The following SPAG16 variants were observed in gnomAD, a reference collection of about 807,000 sequenced individuals.
SPAG16 encodes sperm associated antigen 16.
SPAG16 carries 86 observed loss-of-function variants against 80.4 expected under a neutral mutation model. The ratio of observed to expected loss-of-function variants is 1.07; its 90% confidence interval spans 0.90 to 1.28. SPAG16 has a LOEUF of 1.28. Among genes scored for constraint, SPAG16 ranks in the 50% most tolerant of loss-of-function variants. SPAG16 has a pLI of 0.00. For missense variants in SPAG16, 870 were observed against 765.3 expected (o/e 1.14, Z -1.61); for synonymous variants, 294 against 265.9 (o/e 1.11, Z -1.03).
At chr2:214,017,351 G>A (rs2047642680) in intron 13 of SPAG16, among the ~76,000 whole-genome samples, 1 of 152,146 alleles carries the variant, frequency 6.6e-6, no homozygotes, top group African/African-American at 2.4e-5. Context: ...AAACTTAGAT[G>A]TGAAGTTTGT....
At chr2:214,365,557 A>G (rs1699426468) in intron 15 of SPAG16, among the ~76,000 whole-genome samples, 1 of 152,154 alleles carries the variant, frequency 6.6e-6, no homozygotes. Context: ...TTTATATAAT[A>G]TGAGGGTAGT....
intron 12 of SPAG16, among the ~76,000 whole-genome samples, chr2:213,941,127 T>A (rs186426227): frequency 6.6e-6 from 1 of 152,292 alleles, no homozygotes; most frequent in Non-Finnish European, 1.5e-5. Flanking sequence ...TGTTCATATA[T>A]CCACCAGTCA....
chr2:214,087,669 C>T (rs1184108762), intron 13 of SPAG16, among the ~76,000 whole-genome samples: 3 of 152,028 alleles, frequency 2.0e-5, no homozygotes, highest in African/African-American at 7.2e-5. Context: ...GAACCTAATT[C>T]CTATTCAACA....
At chr2:214,234,081 C>G (rs574093158) in intron 15 of SPAG16, among the ~76,000 whole-genome samples, 54 of 151,682 alleles carry the variant, frequency 3.6e-4, no homozygotes, top group African/African-American at 1.1e-3. Context: ...GTTTCCCCCC[C>G]CATGTGTCCA....
intron 15 of SPAG16, among the ~76,000 whole-genome samples, chr2:214,285,123 C>G (rs528858856): frequency 1.3e-5 from 2 of 152,228 alleles, no homozygotes; most frequent in African/African-American, 4.8e-5. Flanking sequence ...TCCTCATATT[C>G]TTGCCAATAT....
At chr2:214,047,034 G>T (rs1559731716) in intron 13 of SPAG16, among the ~76,000 whole-genome samples, 1 of 151,932 alleles carries the variant, frequency 6.6e-6, no homozygotes, top group African/African-American at 2.4e-5. Context: ...AGAATTTGAA[G>T]AGAATGCCAA....
At chr2:213,651,115 T>C (rs1178608994) in intron 10 of SPAG16, among the ~76,000 whole-genome samples, 1 of 152,166 alleles carries the variant, frequency 6.6e-6, no homozygotes, top group Non-Finnish European at 1.5e-5. Flanking sequence ...AACTACTAAA[T>C]ACTGTATCAA....
intron 13 of SPAG16, among the ~76,000 whole-genome samples, chr2:214,044,372 T>C (rs187521644): frequency 6.6e-6 from 1 of 152,334 alleles, no homozygotes; most frequent in Admixed American, 6.5e-5. Flanking sequence ...TTTCTCCCAA[T>C]CAACAGAGTT....
chr2:214,391,803 T>C (rs1198525584), intron 15 of SPAG16, among the ~76,000 whole-genome samples: 2 of 152,166 alleles, frequency 1.3e-5, no homozygotes, highest in Non-Finnish European at 2.9e-5. Context: ...TCTGACACAT[T>C]GTATAAAGAG....
chr2:214,114,094 G>A (rs1156882948), intron 14 of SPAG16, among the ~76,000 whole-genome samples: 1 of 152,148 alleles, frequency 6.6e-6, no homozygotes, highest in Admixed American at 6.5e-5. Context: ...TCAGCTGTAG[G>A]TCTGTTGGAG....
chr2:214,314,117 T>G (rs1695517858), intron 15 of SPAG16, among the ~76,000 whole-genome samples: 1 of 152,176 alleles, frequency 6.6e-6, no homozygotes, highest in African/African-American at 2.4e-5. Context: ...ACAAACTAGA[T>G]GAACTGAAAA....
At chr2:214,173,528 G>A (rs913854438) in intron 15 of SPAG16, among the ~76,000 whole-genome samples, 3 of 151,968 alleles carry the variant, frequency 2.0e-5, no homozygotes, top group Non-Finnish European at 2.9e-5. Flanking sequence ...AAGTCAGGAA[G>A]AAGTTGAATC....
chr2:214,233,344 A>ATGATGATGATGATGATGATGATGATG (rs377652832), intron 15 of SPAG16, among the ~76,000 whole-genome samples: 1 of 148,546 alleles, frequency 6.7e-6, no homozygotes, highest in Non-Finnish European at 1.5e-5. Flanking sequence ...AATAGATAAT[A>ATGATGATGATGATGATGATGATGATG]ATGATGATGA....
chr2:214,403,894 G>T (rs964861161), intron 15 of SPAG16, among the ~76,000 whole-genome samples: 1 of 152,148 alleles, frequency 6.6e-6, no homozygotes, highest in Admixed American at 6.6e-5. Context: ...TGCAATAAGT[G>T]CTCAGAAAAG....
At chr2:213,324,100 G>A (rs1467147795) in intron 5 of SPAG16, among the ~76,000 whole-genome samples, 4 of 152,036 alleles carry the variant, frequency 2.6e-5, no homozygotes, top group African/African-American at 4.8e-5. Flanking sequence ...TTAAAAATTC[G>A]TTAAGAGGGT....
intron 10 of SPAG16, among the ~76,000 whole-genome samples, chr2:213,633,808 T>C (rs919028720): frequency 2.0e-5 from 3 of 152,158 alleles, no homozygotes; most frequent in Admixed American, 1.3e-4. Flanking sequence ...AGTTTTTGTC[T>C]TGAAATCTAT....
chr2:214,363,692 G>A (rs1420555693), intron 15 of SPAG16, among the ~76,000 whole-genome samples: 4 of 151,980 alleles, frequency 2.6e-5, no homozygotes, highest in African/African-American at 9.7e-5. Context: ...TGAGGAAAGA[G>A]GGCATCTTTT....
At chr2:213,417,451 GT>G (rs1471541616) in intron 9 of SPAG16, among the ~76,000 whole-genome samples, 2 of 152,122 alleles carry the variant, frequency 1.3e-5, no homozygotes, top group African/African-American at 4.8e-5. Flanking sequence ...AACTAGACCT[GT>G]TTTTCTCCTT....
intron 10 of SPAG16, among the ~76,000 whole-genome samples, chr2:213,491,050 A>G (rs1300118804): frequency 6.6e-6 from 1 of 152,174 alleles, no homozygotes; most frequent in African/African-American, 2.4e-5. Flanking sequence ...ATTTCCTCAT[A>G]GCAAGAATAT....
Sources: gnomAD v4.1 joint callset for allele counts (sites outside exome capture counted in the v4.1 genomes callset) on GRCh38, gnomAD v4.1.1 for gene constraint, MANE v1.5 for transcripts, NCBI Gene and HGNC (gene_info 2026-07-23, HGNC 2026-07-21) for gene names.